GABRG1: variants seen among roughly 807,000 people sequenced by gnomAD.
The protein encoded by GABRG1 is gamma-aminobutyric acid type A receptor subunit gamma1, also known as gamma-aminobutyric acid receptor subunit gamma-1.
Under a neutral mutation model 49.8 loss-of-function variants are expected in GABRG1, and 49 were observed. The ratio of observed to expected loss-of-function variants is 0.98; its 90% CI spans 0.78 to 1.25. GABRG1 has a LOEUF of 1.25. Among genes scored for constraint, GABRG1 ranks in the 50% most tolerant of loss-of-function variants. GABRG1 has a pLI of 0.00. For missense variants in GABRG1, 552 were observed against 552.3 expected (o/e 1.00, Z 0.01); for synonymous variants, 232 against 185.1 (o/e 1.25, Z -2.06).
chr4:46,110,029 C>T (rs1468227786), intron 1 of GABRG1, among the ~76,000 whole-genome samples: 3 of 150,972 alleles, frequency 2.0e-5, no homozygotes, highest in East Asian at 2.0e-4. Context: ...CTGCTAGTTC[C>T]AATTGGTCAA....
rs1347272931 is a variant in GABRG1 at position 46,040,549 on chromosome 4, A to G, written c.*439T>C. On this transcript the variant is annotated 3_prime_UTR_variant, in exon 9 of 9. Coordinates refer to ENST00000295452, the MANE Select transcript of GABRG1 (RefSeq NM_173536.4). ...TTTCAAGCAGGGTAATCAAATGAAA[A>G]GCAAGAAAAAACAAATTAACAGTCT... 1 of 152,842 alleles carries G rather than the reference A, an allele frequency of 6.5e-6. No homozygotes were observed. Among genetic ancestry groups the G allele is most frequent in the Non-Finnish European group, 1.5e-5 (1 of 68,278 alleles). The allele number at this position is 152,842 out of a possible 1,614,324, so 9.5% of individuals were successfully genotyped here.
chr4:46,077,623 T>A (rs1158718590), intron 3 of GABRG1, among the ~76,000 whole-genome samples: 2 of 151,638 alleles, frequency 1.3e-5, no homozygotes, highest in Non-Finnish European at 2.9e-5. Flanking sequence ...ACACACAGAA[T>A]TTTTTTTGCC....
intron 3 of GABRG1, among the ~76,000 whole-genome samples, chr4:46,067,038 G>C (rs1718945862): frequency 6.6e-6 from 1 of 151,500 alleles, no homozygotes; most frequent in South Asian, 2.1e-4. Flanking sequence ...ATTAGCAATT[G>C]GCCAATTTTC....
intron 4 of GABRG1, 108 bp downstream of exon 4, chr4:46,065,256 C>T: frequency 1.6e-6 from 1 of 643,834 alleles, no homozygotes; most frequent in Non-Finnish European, 2.6e-6. Flanking sequence ...GTGAAAGGAG[C>T]TCCACATTTT....
At chr4:46,061,274 G>C (rs1577639431) in intron 5 of GABRG1, among the ~76,000 whole-genome samples, 1 of 151,818 alleles carries the variant, frequency 6.6e-6, no homozygotes, top group South Asian at 2.1e-4. Context: ...AAAGCAGTGA[G>C]GTAGATCATT....
chr4:46,115,255 C>T (rs779779139), intron 1 of GABRG1, among the ~76,000 whole-genome samples: 3 of 150,490 alleles, frequency 2.0e-5, no homozygotes, highest in Non-Finnish European at 4.5e-5. Context: ...CAAAATTAAG[C>T]TTTCAAAATA....
At chr4:46,110,823 G>A (rs996873511) in intron 1 of GABRG1, among the ~76,000 whole-genome samples, 19 of 150,722 alleles carry the variant, frequency 1.3e-4, no homozygotes, top group African/African-American at 3.6e-4. Flanking sequence ...AAACCCTCAA[G>A]AAACTAAGAC....
chr4:46,075,723 C>T (rs1719302065), intron 3 of GABRG1, among the ~76,000 whole-genome samples: 1 of 151,906 alleles, frequency 6.6e-6, no homozygotes. Flanking sequence ...AAAGAAAGGT[C>T]CTTGCTATAT....
At chr4:46,086,018 G>T (rs1323240320) in intron 2 of GABRG1, among the ~76,000 whole-genome samples, 1 of 151,244 alleles carries the variant, frequency 6.6e-6, no homozygotes, top group Non-Finnish European at 1.5e-5. Flanking sequence ...TCTCTTTTTT[G>T]CAATAGCATA....
rs1193002288 is a variant in GABRG1 at position 46,058,526 on chromosome 4, A to G, written c.722T>C (p.Val241Ala). 6.2e-7 allele frequency: 1 copy of G among 1,613,402 alleles called. No homozygotes were observed. The highest frequency in any genetic ancestry group is 1.1e-5 in the South Asian group (1 of 91,048). Residue 241 changes from valine to alanine, a missense_variant, in exon 6 of 9, where the codon GTA becomes GCA. Physicochemically the swap from Val to Ala is moderately conservative, Grantham distance 64. Transcript: ENST00000295452. ...KYWRLYQFAFVGLRNSTEITH... is the reference protein window; with the variant it reads ...KYWRLYQFAFAGLRNSTEITH... ...GATTTCAGTTGAGTTCCGTAACCCT[A>G]CAAATGCAAACTGATATAATCTCCA...
At chr4:46,099,573 T>C (rs183397777) in intron 1 of GABRG1, among the ~76,000 whole-genome samples, 3 of 151,836 alleles carry the variant, frequency 2.0e-5, no homozygotes, top group African/African-American at 4.8e-5. Flanking sequence ...AGAATACAAA[T>C]TGAGAGATGT....
Position 46,104,773 on chromosome 4 carries a change from C to T in GABRG1, c.105-7424G>A, listed in dbSNP as rs578100246. Among the ~76,000 whole-genome samples, 159 of 151,472 alleles carry T rather than the reference C, an allele frequency of 1.0e-3. 3 individuals carry two copies. The South Asian group carries it at 0.033, about 31-fold the overall frequency. ...TGCTTATTGTGTGCTGAGCATCCAG[C>T]ATTTCTGGATGCTGGGGATGCAAAG... On this transcript the variant is annotated intron_variant, in intron 1 of 8. Coordinates refer to ENST00000295452, the MANE Select transcript of GABRG1 (RefSeq NM_173536.4).
At position 46,065,463 on chromosome 4, in the gene GABRG1, G is replaced by A. The variant is rs1250801324; in HGVS notation, c.443C>T (p.Thr148Ile). 6.2e-7 allele frequency: 1 copy of A among 1,612,516 alleles called. No homozygotes were observed. The highest frequency in any genetic ancestry group is 1.7e-4 in the Middle Eastern group (1 of 6,052). Residue 148 changes from threonine (T) to isoleucine (I), a missense_variant, in exon 4 of 9, where the codon ACT (threonine) becomes ATT (isoleucine). Thr to Ile is a moderately conservative substitution (Grantham distance 89). Coordinates refer to ENST00000295452, the MANE Select transcript of GABRG1 (RefSeq NM_173536.4). ...AGATTTTCTTGAGTTTCTGAAGAAA[G>A]TGTCAGGAATCCAAATTTTTCCAAC... ...NMVGKIWIPD[T>I]FFRNSRKSDA...
intron 1 of GABRG1, among the ~76,000 whole-genome samples, chr4:46,102,233 A>T (rs951102025): frequency 5.3e-5 from 8 of 151,782 alleles, no homozygotes; most frequent in African/African-American, 1.9e-4. Flanking sequence ...GTGAGAACAT[A>T]GCTGCCTGCC....
At chr4:46,092,693 A>G (rs539252597) in intron 2 of GABRG1, among the ~76,000 whole-genome samples, 2 of 152,180 alleles carry the variant, frequency 1.3e-5, no homozygotes, top group Admixed American at 6.6e-5. Flanking sequence ...GGAACAATAT[A>G]CATATTTCCT....
At chr4:46,062,445 C>A (rs961528764) in intron 5 of GABRG1, among the ~76,000 whole-genome samples, 4 of 152,134 alleles carry the variant, frequency 2.6e-5, no homozygotes, top group Admixed American at 1.3e-4. Flanking sequence ...CCTGAGGAAT[C>A]GCCACACTGA....
chr4:46,093,313 T>C (rs2109429098), intron 2 of GABRG1, among the ~76,000 whole-genome samples: 1 of 152,064 alleles, frequency 6.6e-6, no homozygotes, highest in East Asian at 1.9e-4. Context: ...ACAACATGGA[T>C]AGAACTGATG....
chr4:46,116,860 C>T (rs1720909739), intron 1 of GABRG1, among the ~76,000 whole-genome samples: 1 of 150,672 alleles, frequency 6.6e-6, no homozygotes. Context: ...TACTTAAGTT[C>T]AATCCAGCCA....
At chr4:46,112,255 G>C (rs984916100) in intron 1 of GABRG1, among the ~76,000 whole-genome samples, 1 of 150,980 alleles carries the variant, frequency 6.6e-6, no homozygotes, top group Non-Finnish European at 1.5e-5. Context: ...ACCTCTAAAC[G>C]TCAGAGAAAT....
Sources: gnomAD v4.1 joint callset for allele counts (sites outside exome capture counted in the v4.1 genomes callset) on GRCh38, gnomAD v4.1.1 for gene constraint, MANE v1.5 for transcripts, NCBI Gene and HGNC (gene_info 2026-07-23, HGNC 2026-07-21) for gene names.